Variants in ADK observed in about 807,000 individuals in gnomAD.
ADK encodes adenosine kinase.
ADK carries 24 observed loss-of-function variants against 44.7 expected under a neutral mutation model. That is an observed-to-expected ratio of 0.54 (90% CI 0.39 to 0.76). The LOEUF (loss-of-function observed/expected upper bound fraction) is 0.76. Ranked by LOEUF, ADK falls within the 30% of genes least tolerant of loss-of-function variation. The pLI is 0.00. For synonymous variants in ADK, 128 were observed against 142.6 expected (o/e 0.90, Z 0.73); for missense variants, 321 against 425.1 (o/e 0.76, Z 2.15).
intron 4 of ADK, among the ~76,000 whole-genome samples, chr10:74,388,101 T>G (rs770826771): frequency 1.3e-5 from 2 of 152,006 alleles, no homozygotes; most frequent in Non-Finnish European, 2.9e-5. Flanking sequence ...GAGATGGAGT[T>G]TTTCCATGTT....
At chr10:74,519,783 T>G (rs990018787) in intron 6 of ADK, among the ~76,000 whole-genome samples, 5 of 151,974 alleles carry the variant, frequency 3.3e-5, no homozygotes, top group African/African-American at 1.2e-4. Flanking sequence ...TCCTAATGTT[T>G]GTTTAATTTT....
intron 9 of ADK, among the ~76,000 whole-genome samples, chr10:74,618,536 G>A (rs147317685): frequency 0.011 from 1,671 of 152,130 alleles, 27 homozygotes; most frequent in African/African-American, 0.038. Flanking sequence ...TGATCCGCCC[G>A]CCTCGGCCTC....
chr10:74,188,123 T>A (rs11815260), intron 1 of ADK, among the ~76,000 whole-genome samples: 10,776 of 152,190 alleles, frequency 0.071, 1,310 homozygotes, highest in African/African-American at 0.25. Context: ...GTTGAATTTT[T>A]AAATGAATTT....
intron 4 of ADK, among the ~76,000 whole-genome samples, chr10:74,384,648 G>A (rs955886674): frequency 2.0e-5 from 3 of 152,094 alleles, no homozygotes; most frequent in African/African-American, 7.2e-5. Context: ...TCCAGCCTGG[G>A]TGACAGAGCA....
At chr10:74,247,231 T>TTG (rs1845458190) in intron 3 of ADK, among the ~76,000 whole-genome samples, 2 of 128,672 alleles carry the variant, frequency 1.6e-5, no homozygotes, top group Non-Finnish European at 3.3e-5. Context: ...TAAGTTTTTT[T>TTG]TTTTTTTTTT....
chr10:74,298,111 C>T (rs970566053), intron 3 of ADK, among the ~76,000 whole-genome samples: 2 of 152,042 alleles, frequency 1.3e-5, no homozygotes, highest in African/African-American at 4.8e-5. Flanking sequence ...TTTATTATGC[C>T]CTTCTAAAGA....
chr10:74,304,266 C>T (rs1217564133), intron 3 of ADK, among the ~76,000 whole-genome samples: 1 of 150,856 alleles, frequency 6.6e-6, no homozygotes, highest in East Asian at 1.9e-4. Flanking sequence ...AGGTGGTAGC[C>T]CAATTGAAAA....
intron 10 of ADK, among the ~76,000 whole-genome samples, chr10:74,689,394 C>T (rs1352278430): frequency 2.0e-5 from 3 of 152,122 alleles, no homozygotes; most frequent in Non-Finnish European, 4.4e-5. Flanking sequence ...TTCTCAAGAT[C>T]ATAATCCTGA....
At chr10:74,185,449 G>A (rs1842711232) in intron 1 of ADK, among the ~76,000 whole-genome samples, 1 of 151,610 alleles carries the variant, frequency 6.6e-6, no homozygotes, top group African/African-American at 2.4e-5. Context: ...ACATATGGAA[G>A]GATTGGCTTT....
chr10:74,490,408 T>C (rs150899118), intron 6 of ADK, among the ~76,000 whole-genome samples: 68 of 152,188 alleles, frequency 4.5e-4, no homozygotes, highest in African/African-American at 1.5e-3. Flanking sequence ...ACCAAAAATG[T>C]AATTATATAG....
chr10:74,547,518 T>G (rs888112143), intron 7 of ADK, among the ~76,000 whole-genome samples: 14 of 146,862 alleles, frequency 9.5e-5, no homozygotes, highest in African/African-American at 3.5e-4. Flanking sequence ...AGCCTTGCTC[T>G]GTCACCAGGC....
In ADK at chr10:74,224,546, T is replaced by G; in HGVS notation, c.149T>G (p.Leu50Arg). The part of the protein sequence containing the change: ...VDKDFLDKYS[L>R]KPNDQILAED... ...TCGTTTCTGTTATACAGGTATTCTC[T>G]GAAACCAAATGACCAAATCTTGGCT... The change falls in exon 3 of 11, where the codon CTG (leucine) becomes CGG (arginine). Residue 50 changes from leucine to arginine, a missense_variant. By Grantham distance (102) the Leu-to-Arg change is moderately radical. Coordinates refer to ENST00000539909, the MANE Select transcript of ADK (RefSeq NM_006721.4). 2 of 1,613,598 alleles carry G rather than the reference T, an allele frequency of 1.2e-6. No individual in the cohort carries two copies. Among genetic ancestry groups the G allele is most frequent in the Non-Finnish European group, 1.7e-6 (2 of 1,179,666 alleles).
At chr10:74,666,830 C>CTTT (rs11317030) in intron 9 of ADK, among the ~76,000 whole-genome samples, 6 of 109,038 alleles carry the variant, frequency 5.5e-5, no homozygotes, top group South Asian at 2.6e-4. Context: ...AGTTTTGTGA[C>CTTT]TTTTTTTTTT....
At chr10:74,498,199 T>G (rs1790649770) in intron 6 of ADK, among the ~76,000 whole-genome samples, 1 of 152,144 alleles carries the variant, frequency 6.6e-6, no homozygotes, top group African/African-American at 2.4e-5. Flanking sequence ...AAGGAAGACC[T>G]CTTTGAAAAA....
chr10:74,319,825 C>T (rs1840748927), intron 4 of ADK, among the ~76,000 whole-genome samples: 1 of 151,998 alleles, frequency 6.6e-6, no homozygotes, highest in South Asian at 2.1e-4. Context: ...TGAATAATAC[C>T]AATGTAGTTT....
chr10:74,323,895 A>G (rs538715442), intron 4 of ADK, among the ~76,000 whole-genome samples: 3 of 152,186 alleles, frequency 2.0e-5, no homozygotes. Context: ...TATCAAATGA[A>G]GAAACTCTAT....
At chr10:74,505,661 C>T (rs1848043947) in intron 6 of ADK, among the ~76,000 whole-genome samples, 1 of 151,752 alleles carries the variant, frequency 6.6e-6, no homozygotes, top group African/African-American at 2.4e-5. Context: ...TGATGGCTTT[C>T]ATGGCTACTT....
rs184309978 is a variant in ADK, at chr10:74,573,902, C to T, written c.727-15380C>T. ...GGGAATGACCCGATCTTCCAGGTGC[C>T]GTCTGTCACCCCTTTCTTTGACTAG... On this transcript the variant is annotated intron_variant, in intron 7 of 10. Coordinates refer to ENST00000539909, the MANE Select transcript of ADK (RefSeq NM_006721.4). Among the ~76,000 whole-genome samples, 586 of 152,308 alleles carry T rather than the reference C, an allele frequency of 3.8e-3. 7 individuals are homozygous for T. Among genetic ancestry groups the T allele is most frequent in the African/African-American group, 0.013 (551 of 41,558 alleles).
intron 6 of ADK, among the ~76,000 whole-genome samples, chr10:74,458,734 G>T (rs1589131514): frequency 6.6e-6 from 1 of 151,938 alleles, no homozygotes; most frequent in Admixed American, 6.6e-5. Flanking sequence ...ATAAATAAAA[G>T]AAAATAGCTT....
Sources: allele counts gnomAD v4.1 joint callset (sites outside exome capture counted in the v4.1 genomes callset), GRCh38; gene constraint gnomAD v4.1.1; transcripts MANE v1.5; gene names NCBI Gene and HGNC (gene_info 2026-07-23, HGNC 2026-07-21).